TRAFD1: variants seen among roughly 807,000 people sequenced by gnomAD.
TRAFD1 encodes the protein TRAF-type zinc finger domain containing 1.
In TRAFD1, 38 loss-of-function variants were observed where a neutral mutation model predicts 65.3. The ratio of observed to expected loss-of-function variants is 0.58; its 90% CI spans 0.45 to 0.76. The LOEUF (loss-of-function observed/expected upper bound fraction) is 0.76, where lower values mean the gene tolerates loss of function less well. TRAFD1 is among the 30% of genes least tolerant of loss of function. The pLI, the probability that TRAFD1 is intolerant of heterozygous loss-of-function variation, is 0.00. For missense variants in TRAFD1, 631 were observed against 712.6 expected (o/e 0.89, Z 1.30); for synonymous variants, 223 against 257.2 (o/e 0.87, Z 1.27).
chr12:112,134,298 C>T (rs1176094687), intron 2 of TRAFD1, among the ~76,000 whole-genome samples: 7 of 149,930 alleles, frequency 4.7e-5, no homozygotes, highest in Non-Finnish European at 1.0e-4. Context: ...GCGTGAGCCA[C>T]GGCGCCCGGC....
At chr12:112,128,185 T>G (rs1484046052) in intron 1 of TRAFD1, among the ~76,000 whole-genome samples, 1 of 151,682 alleles carries the variant, frequency 6.6e-6, no homozygotes, top group Non-Finnish European at 1.5e-5. Flanking sequence ...TTTTTTATTT[T>G]TAGTAGAGAG....
At chr12:112,144,566 C>T (rs557312045) in intron 6 of TRAFD1, among the ~76,000 whole-genome samples, 44 of 152,172 alleles carry the variant, frequency 2.9e-4, no homozygotes, top group Non-Finnish European at 2.1e-4. Flanking sequence ...ACACCATGCC[C>T]GGCTGGCTTG....
intron 9 of TRAFD1, among the ~76,000 whole-genome samples, chr12:112,150,103 T>C (rs780866064): frequency 6.6e-6 from 1 of 152,212 alleles, no homozygotes; most frequent in Non-Finnish European, 1.5e-5. Flanking sequence ...ATGAGATACA[T>C]GTAGTAGTAA....
intron 5 of TRAFD1, 168 bp downstream of exon 5, chr12:112,141,392 A>T (rs2030086772): frequency 1.0e-5 from 8 of 783,572 alleles, no homozygotes; most frequent in Middle Eastern, 3.7e-4. Flanking sequence ...CCTCCATTGG[A>T]TTATAGTTAG....
intron 4 of TRAFD1, 51 bp from the exon 5 acceptor site, chr12:112,140,768 C>G: frequency 6.3e-7 from 1 of 1,594,698 alleles, no homozygotes; most frequent in Non-Finnish European, 8.6e-7. Context: ...TATACTAAAA[C>G]ACACCTCTCC....
intron 9 of TRAFD1, among the ~76,000 whole-genome samples, chr12:112,151,495 T>A (rs993037955): frequency 6.6e-6 from 1 of 151,318 alleles, no homozygotes; most frequent in Non-Finnish European, 1.5e-5. Context: ...TGGGTTTAAG[T>A]GATTCTCCTG....
At chr12:112,150,006 G>A in intron 9 of TRAFD1, 135 bp downstream of exon 9, 1 of 1,266,662 alleles carries the variant, frequency 7.9e-7, no homozygotes, top group Non-Finnish European at 1.1e-6. Flanking sequence ...GTCTCATAGG[G>A]GACTCCTCTG....
Position 112,152,233 on chromosome 12 carries a change from T to G in TRAFD1, c.1619+93T>G. On this transcript the variant is annotated intron_variant, in intron 10 of 11. Transcript: ENST00000412615. This position sits in a 1 kb window ranked among gnomAD's most constrained non-coding sequence, Gnocchi z 5.0. ...ACCCTTGCCAGGCCTGGGGTAAGAC[T>G]GAGGTACTTGCATGGTAAGGGGAGG... 1.4e-6 allele frequency: 2 copies of G among 1,449,764 alleles called. No individual in the cohort carries two copies. Among genetic ancestry groups the G allele is most frequent in the Non-Finnish European group, 1.9e-6 (2 of 1,070,034 alleles). 89.8% of individuals were successfully genotyped at this position (1,449,764 alleles called of 1,614,324 possible). A position where few individuals can be genotyped will look rare whatever the true frequency, so the allele number is the denominator to read the frequency against.
chr12:112,134,813 C>T lies in TRAFD1; in HGVS notation c.123C>T (p.Thr41=), dbSNP rs1347860839. The change falls in exon 3 of 12, where the codon ACC becomes ACT. Residue 41 remains threonine (T), a synonymous_variant. Transcript: ENST00000412615. ...HCQRNIGMCP[T]CKEPFPKSDM... ...AAAGGAACATTGGTATGTGTCCTAC[C>T]TGTAAGGAACCATTTCCCAAATCTG... The T allele has an allele frequency of 6.2e-7, 1 of 1,613,850 alleles. No homozygotes were observed. Among genetic ancestry groups the T allele is most frequent in the Admixed American group, 1.7e-5 (1 of 60,016 alleles).
chr12:112,141,926 C>A (rs970074386), intron 5 of TRAFD1, 163 bp from the exon 6 acceptor site: 4 of 699,044 alleles, frequency 5.7e-6, no homozygotes, highest in African/African-American at 3.6e-5. Context: ...CTTTAATGTT[C>A]AAAGCTAGGA....
intron 1 of TRAFD1, among the ~76,000 whole-genome samples, chr12:112,127,791 G>A (rs938623362): frequency 6.6e-6 from 1 of 151,672 alleles, no homozygotes; most frequent in Admixed American, 6.6e-5. Context: ...AGGCAGGATG[G>A]TCTCGATCTC....
At chr12:112,133,397 G>C (rs2079575926) in intron 2 of TRAFD1, 2 of 152,148 alleles carry the variant, frequency 1.3e-5, no homozygotes. Flanking sequence ...TTTTTGGTTT[G>C]ACTTTTCATG....
At chr12:112,141,341 C>A in intron 5 of TRAFD1, 117 bp downstream of exon 5, 1 of 1,196,846 alleles carries the variant, frequency 8.4e-7, no homozygotes, top group Non-Finnish European at 1.2e-6. Context: ...AGCTGAGTAA[C>A]ACTGGGAAGA....
chr12:112,140,097 A>G (rs1593867612), intron 4 of TRAFD1: 1 of 322,712 alleles, frequency 3.1e-6, no homozygotes, highest in Non-Finnish European at 6.1e-6. Context: ...TCTAAAGTGC[A>G]GTTTCTTTTC....
chr12:112,136,428 C>T (rs1205480076), intron 4 of TRAFD1, among the ~76,000 whole-genome samples: 4 of 151,754 alleles, frequency 2.6e-5, no homozygotes, highest in Non-Finnish European at 5.9e-5. Context: ...TATAGGCGTG[C>T]TCTACCATGC....
chr12:112,135,831 T>G (rs536932845), intron 4 of TRAFD1, among the ~76,000 whole-genome samples: 2 of 151,706 alleles, frequency 1.3e-5, no homozygotes, highest in Non-Finnish European at 2.9e-5. Context: ...AAAGGTTTTT[T>G]TTTTTTTTTT....
At chr12:112,151,614 T>A (rs2030407224) in intron 9 of TRAFD1, among the ~76,000 whole-genome samples, 187 bp from the exon 10 acceptor site, 1 of 152,036 alleles carries the variant, frequency 6.6e-6, no homozygotes. Context: ...GCCAGGCTGG[T>A]CTCTAACTCT....
At chr12:112,126,191 T>C (rs1447386948) in intron 1 of TRAFD1, 5 of 152,362 alleles carry the variant, frequency 3.3e-5, no homozygotes, top group Admixed American at 3.3e-4. Context: ...AGCCGCTTAC[T>C]TCTTCACTCC....
At chr12:112,147,060 C>T (rs1395373373) in intron 7 of TRAFD1, among the ~76,000 whole-genome samples, 2 of 125,722 alleles carry the variant, frequency 1.6e-5, no homozygotes, top group South Asian at 5.2e-4. Context: ...AGCGCAGTGA[C>T]GCGATCGGGG....
Sources: allele counts gnomAD v4.1 joint callset (sites outside exome capture counted in the v4.1 genomes callset), GRCh38; gene constraint gnomAD v4.1.1; non-coding constraint Gnocchi (gnomAD v3.1); transcripts MANE v1.5; gene names NCBI Gene and HGNC (gene_info 2026-07-23, HGNC 2026-07-21).